GFI1: variants seen among roughly 807,000 people sequenced by gnomAD.
The protein encoded by GFI1 is growth factor independent 1 transcriptional repressor, also known as zinc finger protein Gfi-1.
A neutral mutation model predicts 39.2 loss-of-function variants in GFI1; 15 were observed. That is an observed-to-expected ratio of 0.38 (90% confidence interval 0.26 to 0.59). The LOEUF (loss-of-function observed/expected upper bound fraction) is 0.59, where lower values mean the gene tolerates loss of function less well. Ranked by LOEUF, GFI1 falls within the 20% of genes least tolerant of loss-of-function variation. The pLI, the probability that GFI1 is intolerant of heterozygous loss-of-function variation, is 0.62. For synonymous variants in GFI1, 239 were observed against 254.3 expected (o/e 0.94, Z 0.57); for missense variants, 475 against 574.0 (o/e 0.83, Z 1.76).
chr1:92,485,155 G>T (rs901117177), intron 1 of GFI1, among the ~76,000 whole-genome samples: 2 of 152,198 alleles, frequency 1.3e-5, no homozygotes, highest in Non-Finnish European at 2.9e-5. Flanking sequence ...GGGCTCCCGC[G>T]AAGTTTCCCG....
chr1:92,482,399 A>G lies in GFI1; in HGVS notation c.298+465T>C, dbSNP rs1397984790. The stretch of plus-strand genomic sequence containing the variant: ...CCCCAATCTGCGCCTGTGAAGACCA[A>G]GCCGCGGGCTGAGATTTTCGTCCTG... On this transcript the variant is annotated intron_variant, in intron 3 of 6. Coordinates refer to ENST00000294702, the MANE Select transcript of GFI1 (RefSeq NM_005263.5). This position sits in a 1 kb window ranked among gnomAD's most constrained non-coding sequence, Gnocchi z 4.4. 7.6e-6 allele frequency among the ~76,000 whole-genome samples: 1 copy of G among 131,982 alleles called. No individual in the cohort carries two copies. The highest frequency in any genetic ancestry group is 1.6e-5 in the Non-Finnish European group (1 of 63,318). The allele number at this position is 131,982 out of a possible 152,430, so 86.6% of individuals were successfully genotyped here.
chr1:92,481,229 C>T lies in GFI1; in HGVS notation c.299-141G>A. 1 of 792,332 alleles carries T rather than the reference C, an allele frequency of 1.3e-6. No individual in the cohort carries two copies. The highest frequency in any genetic ancestry group is 2.1e-6 in the Non-Finnish European group (1 of 475,666). The allele number at this position is 792,332 out of a possible 1,614,324, so 49.1% of individuals were successfully genotyped here. ...AACACTGCGTGCGCCAGGTGCCAGG[C>T]TCGCCCCAGGGTAAAACGTGGCCCG... On this transcript the variant is annotated intron_variant, in intron 3 of 6. Coordinates refer to ENST00000294702, the MANE Select transcript of GFI1 (RefSeq NM_005263.5). The surrounding 1 kb of genome is among the most constrained non-coding windows in gnomAD (Gnocchi z 4.3).
chr1:92,474,589 A>G lies in GFI1; in HGVS notation c.*1440T>C, dbSNP rs943457260. Among the ~76,000 whole-genome samples, 21 of 152,218 alleles carry G rather than the reference A, an allele frequency of 1.4e-4. No individual in the cohort carries two copies. Among genetic ancestry groups the G allele is most frequent in the Admixed American group, 9.8e-4 (15 of 15,276 alleles). On this transcript the variant is annotated 3_prime_UTR_variant, in exon 7 of 7. Coordinates refer to ENST00000294702, the MANE Select transcript of GFI1 (RefSeq NM_005263.5). ...GAAAGAAGTATCTCTGAGGTGTAGC[A>G]GCAAAGGAGAAAGTATATGGAAACC...
chr1:92,486,124 C>G (rs1248515865), intron 1 of GFI1: 2 of 152,364 alleles, frequency 1.3e-5, no homozygotes, highest in Non-Finnish European at 2.9e-5. Context: ...ATTCTCCTTC[C>G]GAGCTCAGCC....
chr1:92,475,387 G>A lies in GFI1; in HGVS notation c.*642C>T. 1 of 154,010 alleles carries A rather than the reference G, an allele frequency of 6.5e-6. No individual in the cohort carries two copies. Among genetic ancestry groups the A allele is most frequent in the Non-Finnish European group, 1.4e-5 (1 of 69,330 alleles). The allele number at this position is 154,010 out of a possible 1,614,324, so 9.5% of individuals were successfully genotyped here. ...CAACTTCTCTTCTGCTTCTTCTTGG[G>A]GGTAGCCTCGATGGTGCATCTCATG... On this transcript the variant is annotated 3_prime_UTR_variant, in exon 7 of 7. Coordinates refer to ENST00000294702, the MANE Select transcript of GFI1 (RefSeq NM_005263.5).
chr1:92,475,369 T>C lies in GFI1; in HGVS notation c.*660A>G, dbSNP rs1657906536. 1 of 154,392 alleles carries C rather than the reference T, an allele frequency of 6.5e-6. No homozygotes were observed. The highest frequency in any genetic ancestry group is 1.4e-5 in the Non-Finnish European group (1 of 69,586). The allele number at this position is 154,392 out of a possible 1,614,324, so 9.6% of individuals were successfully genotyped here. A position where few individuals can be genotyped will look rare whatever the true frequency, so the allele number is the denominator to read the frequency against. ...CTAATCCCCTCTCATTACCAACTTCTCTTCTGCTTCTTCTTGGGGGTAGCC... is the reference window on the plus strand; with the variant it reads ...CTAATCCCCTCTCATTACCAACTTCCCTTCTGCTTCTTCTTGGGGGTAGCC... On this transcript the variant is annotated 3_prime_UTR_variant, in exon 7 of 7. Transcript: ENST00000294702.
At chr1:92,486,074 G>A (rs1020583503) in intron 1 of GFI1, 1 of 152,162 alleles carries the variant, frequency 6.6e-6, no homozygotes, top group Non-Finnish European at 1.5e-5. Flanking sequence ...CTTGCTTTCG[G>A]GAGAGACCGC....
chr1:92,482,861 T>C lies in GFI1; in HGVS notation c.298+3A>G, dbSNP rs1186979807. Reference sequence around the variant, plus strand: ...GCCCAAGAGGTTCCCAGTGGGTTCCTACCTGGAGACGCGGAGGGTGACGGG... The same window carrying C: ...GCCCAAGAGGTTCCCAGTGGGTTCCCACCTGGAGACGCGGAGGGTGACGGG... On this transcript the variant is annotated splice_donor_region_variant and intron_variant, in intron 3 of 6. Coordinates refer to ENST00000294702, the MANE Select transcript of GFI1 (RefSeq NM_005263.5). The surrounding 1 kb of genome is among the most constrained non-coding windows in gnomAD (Gnocchi z 4.4). The C allele has an allele frequency of 1.2e-6, 2 of 1,613,088 alleles. No individual in the cohort carries two copies. The highest frequency in any genetic ancestry group is 1.3e-5 in the African/African-American group (1 of 75,050).
At chr1:92,485,189 TA>T (rs953883677) in intron 1 of GFI1, among the ~76,000 whole-genome samples, 1 of 152,168 alleles carries the variant, frequency 6.6e-6, no homozygotes, top group Admixed American at 6.5e-5. Flanking sequence ...AGAATGCCCC[TA>T]GGGGTGAGAG....
At chr1:92,476,429 A>C (rs1021636982) in intron 6 of GFI1, among the ~76,000 whole-genome samples, 5 of 152,144 alleles carry the variant, frequency 3.3e-5, no homozygotes, top group African/African-American at 9.7e-5. Flanking sequence ...GACTTTCTGA[A>C]GGGGGGTTCC....
chr1:92,478,911 G>T (rs922042435), intron 5 of GFI1, among the ~76,000 whole-genome samples, 158 bp from the exon 6 acceptor site: 10 of 152,030 alleles, frequency 6.6e-5, no homozygotes, highest in African/African-American at 2.4e-4. Context: ...TGTCGCCCAG[G>T]CTTGAGTGCA....
At chr1:92,483,075 A>G (rs1258122340) in intron 2 of GFI1, 29 bp from the exon 3 acceptor site, 3 of 1,549,304 alleles carry the variant, frequency 1.9e-6, no homozygotes, top group Non-Finnish European at 2.6e-6. Flanking sequence ...TGAGGGGCTC[A>G]GGCTGGGACC....
chr1:92,484,112 G>C lies in GFI1; in HGVS notation c.-99-526C>G, dbSNP rs1658420969. Among the ~76,000 whole-genome samples the C allele has an allele frequency of 6.6e-6, 1 of 152,212 alleles. No homozygotes were observed. The highest frequency in any genetic ancestry group is 1.5e-5 in the Non-Finnish European group (1 of 68,042). On this transcript the variant is annotated intron_variant, in intron 1 of 6. Transcript: ENST00000294702. This position sits in a 1 kb window ranked among gnomAD's most constrained non-coding sequence, Gnocchi z 4.1. ...CTACCAACTGGAGTGAAAGGACCGG[G>C]GGGAGGGGGGAACAGAACACAAGAT...
At position 92,482,822 on chromosome 1, in the gene GFI1, T is replaced by C. The variant is rs760933177; in HGVS notation, c.298+42A>G. On this transcript the variant is annotated intron_variant, in intron 3 of 6. Transcript: ENST00000294702. This position sits in a 1 kb window ranked among gnomAD's most constrained non-coding sequence, Gnocchi z 4.4. ...CCAATTCCCCCCCAGCACTGCCGGG[T>C]CCCTGCAGCTCCCGCCCAAGAGGTT... is the stretch of plus-strand genomic sequence containing the variant. The C allele has an allele frequency of 6.6e-7, 1 of 1,517,544 alleles. No homozygotes were observed. Among genetic ancestry groups the C allele is most frequent in the African/African-American group, 1.4e-5 (1 of 73,148 alleles). 94.0% of individuals were successfully genotyped at this position (1,517,544 alleles called of 1,614,324 possible).
chr1:92,476,305 AC>A, intron 6 of GFI1, 98 bp from the exon 7 acceptor site: 1 of 1,182,028 alleles, frequency 8.5e-7, no homozygotes, highest in Non-Finnish European at 1.2e-6. Flanking sequence ...AGCTGGTTGC[AC>A]CACAGTCTAA....
chr1:92,485,267 C>T (rs181023275), intron 1 of GFI1, among the ~76,000 whole-genome samples: 324 of 152,318 alleles, frequency 2.1e-3, no homozygotes, highest in African/African-American at 7.3e-3. Flanking sequence ...ACTTCTCGTC[C>T]GTACAATTAG....
Position 92,480,361 on chromosome 1 carries a change from G to C in GFI1, c.911C>G (p.Ala304Gly). 1 of 1,549,844 alleles carries C rather than the reference G, an allele frequency of 6.5e-7. No homozygotes were observed. Among genetic ancestry groups the C allele is most frequent in the Non-Finnish European group, 8.7e-7 (1 of 1,146,646 alleles). Residue 304 changes from alanine (A) to glycine (G), a missense_variant, in exon 5 of 7, where the codon GCC becomes GGC. Physicochemically the swap from Ala to Gly is moderately conservative, Grantham distance 60. Coordinates refer to ENST00000294702, the MANE Select transcript of GFI1 (RefSeq NM_005263.5). The surrounding 1 kb of genome is among the most constrained non-coding windows in gnomAD (Gnocchi z 5.6). ...GHAVSLEQHKAVHSQERSFDC... is the reference protein window; with the variant it reads ...GHAVSLEQHKGVHSQERSFDC... Reference sequence around the variant, plus strand: ...CCCCGCGCTTACCTGCGAGTGCACGGCTTTGTGCTGCTCCAGGCTCACCGC... The same window carrying C: ...CCCCGCGCTTACCTGCGAGTGCACGCCTTTGTGCTGCTCCAGGCTCACCGC...
chr1:92,484,292 C>T lies in GFI1; in HGVS notation c.-99-706G>A, dbSNP rs1233856473. Among the ~76,000 whole-genome samples, 1 of 152,178 alleles carries T rather than the reference C, an allele frequency of 6.6e-6. No homozygotes were observed. Among genetic ancestry groups the T allele is most frequent in the East Asian group, 1.9e-4 (1 of 5,196 alleles). ...AAACTCGCATCTGGGTGATCCCACT[C>T]GCCCCTCACTAGTGCCCCACGTAGG... On this transcript the variant is annotated intron_variant, in intron 1 of 6. Coordinates refer to ENST00000294702, the MANE Select transcript of GFI1 (RefSeq NM_005263.5). The surrounding 1 kb of genome is among the most constrained non-coding windows in gnomAD (Gnocchi z 4.1).
rs2101575376 is a variant in GFI1 at position 92,481,542 on chromosome 1, T to C, written c.299-454A>G. 6.6e-6 allele frequency among the ~76,000 whole-genome samples: 1 copy of C among 152,314 alleles called. No homozygotes were observed. The highest frequency in any genetic ancestry group is 2.4e-5 in the African/African-American group (1 of 41,572). On this transcript the variant is annotated intron_variant, in intron 3 of 6. Coordinates refer to ENST00000294702, the MANE Select transcript of GFI1 (RefSeq NM_005263.5). The surrounding 1 kb of genome is among the most constrained non-coding windows in gnomAD (Gnocchi z 4.3). ...CCAGCGCAGGCACTCTCCCAGCCCC[T>C]ACATGTTCCCATTCAATTCTTTTTC...
Sources: gnomAD v4.1 joint callset for allele counts (sites outside exome capture counted in the v4.1 genomes callset) on GRCh38, gnomAD v4.1.1 for gene constraint, Gnocchi (gnomAD v3.1) non-coding constraint, MANE v1.5 for transcripts, NCBI Gene and HGNC (gene_info 2026-07-23, HGNC 2026-07-21) for gene names.